Variants in PDE11A observed in about 807,000 individuals in gnomAD.
PDE11A encodes dual 3',5'-cyclic-AMP and -GMP phosphodiesterase 11A.
A neutral mutation model predicts 100.5 loss-of-function variants in PDE11A; 100 were observed. That is an observed-to-expected ratio of 1.00 (90% confidence interval 0.85 to 1.18). The LOEUF (loss-of-function observed/expected upper bound fraction) is 1.18. Ranked by LOEUF, PDE11A falls within the 50% of genes most tolerant of loss-of-function variation. The pLI, the probability that PDE11A is intolerant of heterozygous loss-of-function variation, is 0.00. For synonymous variants in PDE11A, 381 were observed against 420.8 expected, an observed-to-expected ratio of 0.91 and a Z score of 1.16; for missense variants, 1,141 against 1,152.6, an observed-to-expected ratio of 0.99 and a Z score of 0.15.
rs1005813259 is a variant in PDE11A, at chr2:177,781,809, C to A, written c.1738-12436G>T. Among the ~76,000 whole-genome samples, 6 of 152,266 alleles carry A rather than the reference C, an allele frequency of 3.9e-5. No individual in the cohort carries two copies. In the South Asian group the frequency reaches 1.2e-3, roughly 32 times the overall value. On this transcript the variant is annotated intron_variant, in intron 9 of 19. Coordinates refer to ENST00000286063, the MANE Select transcript of PDE11A (RefSeq NM_016953.4). ...GAGCCACCATGTCCAGCTGAATTCT[C>A]TTTTAATTAAACTTCTTGACCAAAG...
At chr2:177,815,227 A>C (rs199625750) in intron 9 of PDE11A, among the ~76,000 whole-genome samples, 1 of 152,104 alleles carries the variant, frequency 6.6e-6, no homozygotes, top group Non-Finnish European at 1.5e-5. Flanking sequence ...GTGATTTCTC[A>C]GTAATAAATA....
intron 9 of PDE11A, among the ~76,000 whole-genome samples, chr2:177,800,562 T>G (rs2105552439): frequency 6.6e-6 from 1 of 152,272 alleles, no homozygotes; most frequent in African/African-American, 2.4e-5. Flanking sequence ...AGGATTGAGA[T>G]TCTTGTACTT....
At position 177,666,904 on chromosome 2, in the gene PDE11A, A is replaced by AATTTATTTATTTATTTATTTATTT. The variant is rs3056898; in HGVS notation, c.2562+2565_2562+2588dup. Among the ~76,000 whole-genome samples the AATTTATTTATTTATTTATTTATTT allele has an allele frequency of 3.2e-3, 450 of 141,434 alleles. 2 individuals carry two copies. The highest frequency in any genetic ancestry group is 6.7e-3 in the Admixed American group (94 of 13,970). The allele number at this position is 141,434 out of a possible 152,430, so 92.8% of individuals were successfully genotyped here. A position where few individuals can be genotyped will look rare whatever the true frequency, so the allele number is the denominator to read the frequency against. On this transcript the variant is annotated intron_variant, in intron 18 of 19. Coordinates refer to ENST00000286063, the MANE Select transcript of PDE11A (RefSeq NM_016953.4). ...AAAGTTTTTAATTTTGATAAAGTTC[A>AATTTATTTATTTATTTATTTATTT]ATTTATTTATTTATTTATTTATTTA...
chr2:177,977,792 T>G (rs1356667612), intron 2 of PDE11A, among the ~76,000 whole-genome samples: 1 of 145,184 alleles, frequency 6.9e-6, no homozygotes, highest in Non-Finnish European at 1.5e-5. Context: ...CTATCTGATC[T>G]TTGACAAACC....
intron 2 of PDE11A, among the ~76,000 whole-genome samples, chr2:177,980,742 C>T (rs2573083): frequency 0.53 from 80,113 of 149,956 alleles, 26,134 homozygotes; most frequent in African/African-American, 0.84. Flanking sequence ...ATTTGAGAGG[C>T]GTGGGCGAAA....
chr2:177,993,781 C>T (rs2086033784), intron 2 of PDE11A, among the ~76,000 whole-genome samples: 1 of 152,018 alleles, frequency 6.6e-6, no homozygotes. Context: ...GTTTCCAGCT[C>T]CACTATTAAC....
At chr2:177,782,294 T>TG (rs2105519411) in intron 9 of PDE11A, among the ~76,000 whole-genome samples, 1 of 152,306 alleles carries the variant, frequency 6.6e-6, no homozygotes, top group African/African-American at 2.4e-5. Context: ...CTATGAGAGG[T>TG]GGGGTCTATG....
At position 178,071,745 on chromosome 2, in the gene PDE11A, AAGGC is replaced by A. The variant is rs1258739735; in HGVS notation, c.689_692del (p.Cys230LeufsTer85). 6.2e-7 allele frequency: 1 copy of A among 1,614,038 alleles called. No homozygotes were observed. The highest frequency in any genetic ancestry group is 1.1e-5 in the South Asian group (1 of 91,072). On this transcript the variant is annotated frameshift_variant, in exon 1 of 20. Transcript: ENST00000286063. LOFTEE classifies it high-confidence loss of function. The stretch of plus-strand genomic sequence containing the variant: ...GAGAGCAGCGGTCAGCATCCACCAT[AAGGC>A]AGACAAAGATGAGAATCTTGTAGCT...
intron 19 of PDE11A, among the ~76,000 whole-genome samples, chr2:177,639,116 G>A (rs113428557): frequency 0.018 from 2,717 of 152,216 alleles, 35 homozygotes; most frequent in South Asian, 0.046. Context: ...TGCCTGTGCC[G>A]TGGCCTAGAA....
intron 6 of PDE11A, among the ~76,000 whole-genome samples, chr2:177,824,872 C>T (rs2083203311): frequency 1.3e-5 from 2 of 151,930 alleles, no homozygotes; most frequent in South Asian, 4.2e-4. Context: ...TATACAAAAG[C>T]ATATTATATA....
At chr2:178,025,743 A>G (rs1458619301) in intron 1 of PDE11A, among the ~76,000 whole-genome samples, 1 of 152,206 alleles carries the variant, frequency 6.6e-6, no homozygotes, top group African/African-American at 2.4e-5. Context: ...CTCATGCTCT[A>G]TAAGCTTTAT....
intron 10 of PDE11A, among the ~76,000 whole-genome samples, chr2:177,730,800 G>A (rs1017099155): frequency 1.3e-5 from 2 of 151,890 alleles, no homozygotes; most frequent in African/African-American, 4.8e-5. Context: ...CTTTGTTTTA[G>A]TCTCTCCTTT....
chr2:178,014,376 C>T lies in PDE11A; in HGVS notation c.997G>A (p.Gly333Ser), dbSNP rs1378629549. The T allele has an allele frequency of 1.9e-6, 3 of 1,612,164 alleles. No homozygotes were observed. Among genetic ancestry groups the T allele is most frequent in the Middle Eastern group, 1.7e-4 (1 of 6,048 alleles). Residue 333 changes from glycine to serine, a missense_variant, in exon 2 of 20, where the codon GGT (glycine) becomes AGT (serine). Transcript: ENST00000286063. ...GCTTGGGCCACACCAATAATCTCACCATCACTGCTTCGGATAGGCATGCAC... is the reference window on the plus strand; with the variant it reads ...GCTTGGGCCACACCAATAATCTCACTATCACTGCTTCGGATAGGCATGCAC... ...LLCMPIRSSDGEIIGVAQAIN... is the reference protein window; with the variant it reads ...LLCMPIRSSDSEIIGVAQAIN...
At chr2:177,764,640 G>C (rs1041819912) in intron 10 of PDE11A, among the ~76,000 whole-genome samples, 2 of 152,090 alleles carry the variant, frequency 1.3e-5, no homozygotes, top group African/African-American at 4.8e-5. Context: ...TTGTCAATGT[G>C]GTCTTTATAC....
At chr2:177,892,071 T>C (rs1380450458) in intron 4 of PDE11A, among the ~76,000 whole-genome samples, 1 of 152,224 alleles carries the variant, frequency 6.6e-6, no homozygotes, top group Non-Finnish European at 1.5e-5. Flanking sequence ...GTTTTGTCTT[T>C]AACCAGTATT....
At chr2:177,896,225 T>C (rs1485959136) in intron 4 of PDE11A, among the ~76,000 whole-genome samples, 2 of 152,188 alleles carry the variant, frequency 1.3e-5, no homozygotes, top group African/African-American at 4.8e-5. Flanking sequence ...CTTCCTACTT[T>C]ATACCATGAA....
intron 2 of PDE11A, among the ~76,000 whole-genome samples, chr2:177,972,277 A>G (rs1293320939): frequency 6.6e-6 from 1 of 152,238 alleles, no homozygotes; most frequent in African/African-American, 2.4e-5. Flanking sequence ...GGTCCAAGAG[A>G]CAGGAAGAGA....
At chr2:178,010,423 G>A (rs1211499952) in intron 2 of PDE11A, among the ~76,000 whole-genome samples, 1 of 152,180 alleles carries the variant, frequency 6.6e-6, no homozygotes, top group African/African-American at 2.4e-5. Flanking sequence ...GAATGAAGTT[G>A]GCAGAGCTCT....
At chr2:177,684,992 C>T (rs1162536892) in intron 15 of PDE11A, among the ~76,000 whole-genome samples, 1 of 152,134 alleles carries the variant, frequency 6.6e-6, no homozygotes, top group Non-Finnish European at 1.5e-5. Context: ...AGCCATCCTC[C>T]TTGTCATATG....
Sources: allele counts gnomAD v4.1 joint callset (sites outside exome capture counted in the v4.1 genomes callset), GRCh38; gene constraint gnomAD v4.1.1; transcripts MANE v1.5; gene names NCBI Gene and HGNC (gene_info 2026-07-23, HGNC 2026-07-21).